Variants in RWDD1 observed in about 807,000 individuals in gnomAD.
RWDD1 encodes the protein RWD domain-containing protein 1.
A neutral mutation model predicts 31.6 loss-of-function variants in RWDD1; 17 were observed. The ratio of observed to expected loss-of-function variants is 0.54; its 90% CI spans 0.37 to 0.81. RWDD1 has a LOEUF of 0.81. RWDD1 is among the 30% of genes least tolerant of loss of function. The pLI, the probability that RWDD1 is intolerant of heterozygous loss-of-function variation, is 0.00. For missense variants in RWDD1, 204 were observed against 274.5 expected, an observed-to-expected ratio of 0.74 and a Z score of 1.82; for synonymous variants, 78 against 94.2, an observed-to-expected ratio of 0.83 and a Z score of 0.99.
In RWDD1 at chr6:116,575,287, A is replaced by G. The variant is rs948163678; in HGVS notation, c.73+3632A>G. On this transcript the variant is annotated intron_variant, in intron 1 of 6. Transcript: ENST00000466444. ...TTTTGGTAGAGACTGGGGTCTCACTATGTTCCCAGGCTGGTCTTGAACTCC... is the reference window on the plus strand; with the variant it reads ...TTTTGGTAGAGACTGGGGTCTCACTGTGTTCCCAGGCTGGTCTTGAACTCC... Among the ~76,000 whole-genome samples the G allele has an allele frequency of 1.2e-4, 18 of 151,842 alleles. No homozygotes were observed. In the East Asian group the frequency reaches 2.7e-3, roughly 23 times the overall value.
At chr6:116,575,033 G>A (rs1228328943) in intron 1 of RWDD1, among the ~76,000 whole-genome samples, 1 of 151,964 alleles carries the variant, frequency 6.6e-6, no homozygotes, top group Non-Finnish European at 1.5e-5. Context: ...AACTCCCAAA[G>A]TGCTGGGGTT....
chr6:116,572,016 T>C (rs1385136577), intron 1 of RWDD1, among the ~76,000 whole-genome samples: 2 of 152,072 alleles, frequency 1.3e-5, no homozygotes, highest in Non-Finnish European at 2.9e-5. Context: ...AGAATGTTAG[T>C]TTTCACATTT....
Position 116,585,963 on chromosome 6 carries a change from G to A in RWDD1, c.270+1106G>A, listed in dbSNP as rs1775033055. On this transcript the variant is annotated intron_variant, in intron 3 of 6. Transcript: ENST00000466444. ...CATGAACTACCTTGCCCAGCTCTTC[G>A]AACATCTTTTAAAACATTGCAGAGA... Among the ~76,000 whole-genome samples, 4 of 151,822 alleles carry A rather than the reference G, an allele frequency of 2.6e-5. No homozygotes were observed. In the South Asian group the frequency reaches 8.3e-4, roughly 32 times the overall value.
In RWDD1 at chr6:116,571,615, G is replaced by A. The variant is rs752508971; in HGVS notation, c.33G>A (p.Glu11=). The A allele has an allele frequency of 6.2e-7, 1 of 1,613,768 alleles. No individual in the cohort carries two copies. Among genetic ancestry groups the A allele is most frequent in the Non-Finnish European group, 8.5e-7 (1 of 1,179,916 alleles). The change falls in exon 1 of 7, where the codon GAG becomes GAA. Residue 11 remains glutamate, a synonymous_variant. Transcript: ENST00000466444. ...ATTACGGCGAGGAGCAGCGCAACGAGCTGGAGGCCCTGGAGTCCATCTACC... is the reference window on the plus strand; with the variant it reads ...ATTACGGCGAGGAGCAGCGCAACGAACTGGAGGCCCTGGAGTCCATCTACC... MTDYGEEQRN[E]LEALESIYPD...
chr6:116,579,104 G>A (rs144409184), intron 1 of RWDD1, among the ~76,000 whole-genome samples: 3 of 152,176 alleles, frequency 2.0e-5, no homozygotes, highest in Admixed American at 2.0e-4. Context: ...TCGAACTCCT[G>A]GCTTCAAGTG....
chr6:116,592,981 T>C lies in RWDD1; in HGVS notation c.612T>C (p.Ala204=). Residue 204 remains alanine, a splice_region_variant and synonymous_variant, in exon 7 of 7, where the codon GCT becomes GCC. Coordinates refer to ENST00000466444, the MANE Select transcript of RWDD1 (RefSeq NM_015952.4). ...TTTTTTTTTGGTTGCCTTTTGCAGC[T>C]GGAAACAACGTGGAGGTAGATGAGT... is the stretch of plus-strand genomic sequence containing the variant. ...DTSDIQFLED[A]GNNVEVDESL... is the part of the protein sequence containing the mutation. 6.2e-7 allele frequency: 1 copy of C among 1,603,712 alleles called. No homozygotes were observed. The highest frequency in any genetic ancestry group is 8.5e-7 in the Non-Finnish European group (1 of 1,177,246).
At chr6:116,589,008 C>A in intron 4 of RWDD1, 23 bp downstream of exon 4, 1 of 1,258,490 alleles carries the variant, frequency 7.9e-7, no homozygotes, top group Non-Finnish European at 1.0e-6. Context: ...GCCTTGTTTT[C>A]TTTTATTATT....
chr6:116,584,844 T>G lies in RWDD1; in HGVS notation c.257T>G (p.Leu86Ter). 1 of 1,582,874 alleles carries G rather than the reference T, an allele frequency of 6.3e-7. No individual in the cohort carries two copies. The highest frequency in any genetic ancestry group is 8.7e-7 in the Non-Finnish European group (1 of 1,152,034). The change falls in exon 3 of 7, where the codon TTA (leucine) becomes TGA (stop). Residue 86 changes from leucine (L) to a stop codon, truncating the protein, a stop_gained. Coordinates refer to ENST00000466444, the MANE Select transcript of RWDD1 (RefSeq NM_015952.4). LOFTEE classifies it high-confidence loss of function. ...EDNDVSDILK[L>*]LALQAEENLG... ...AATGATGTCTCAGACATTTTAAAAT[T>G]ACTAGCATTACAGGTAAGGAAATAA...
intron 1 of RWDD1, 137 bp from the exon 2 acceptor site, chr6:116,580,158 T>C (rs1188937697): frequency 4.5e-6 from 2 of 439,640 alleles, no homozygotes; most frequent in Non-Finnish European, 8.1e-6. Flanking sequence ...TTCAGTGTTC[T>C]GTTCAGTCTG....
At chr6:116,581,962 T>G (rs1774954849) in intron 2 of RWDD1, among the ~76,000 whole-genome samples, 1 of 152,058 alleles carries the variant, frequency 6.6e-6, no homozygotes, top group Non-Finnish European at 1.5e-5. Context: ...ATGGTTGTAT[T>G]GAATAAAGAC....
intron 1 of RWDD1, chr6:116,572,557 C>A (rs1774758559): frequency 6.6e-6 from 1 of 152,152 alleles, no homozygotes; most frequent in Non-Finnish European, 1.5e-5. Flanking sequence ...TCTATTAAGC[C>A]ATGCTTCGGA....
chr6:116,573,593 T>C (rs909100290), intron 1 of RWDD1, among the ~76,000 whole-genome samples: 5 of 152,246 alleles, frequency 3.3e-5, no homozygotes, highest in Admixed American at 3.3e-4. Context: ...AATGTTTCCA[T>C]GTTTGATCTT....
chr6:116,591,404 T>C (rs1280937658), intron 6 of RWDD1, among the ~76,000 whole-genome samples: 1 of 152,218 alleles, frequency 6.6e-6, no homozygotes, highest in African/African-American at 2.4e-5. Flanking sequence ...GTGACCTGTT[T>C]TCTTCAAATT....
chr6:116,580,440 T>A (rs62424374), intron 2 of RWDD1, 80 bp downstream of exon 2: 9 of 1,045,090 alleles, frequency 8.6e-6, no homozygotes, highest in Non-Finnish European at 1.3e-5. Flanking sequence ...ATGCTGGATA[T>A]TGTCATGTGG....
intron 4 of RWDD1, 86 bp from the exon 5 acceptor site, chr6:116,590,186 T>TTAAAC (rs1169867796): frequency 3.0e-6 from 2 of 659,090 alleles, no homozygotes. Context: ...TATAAGGGGT[T>TTAAAC]ATATTGATAT....
chr6:116,577,275 C>G (rs763894496), intron 1 of RWDD1, among the ~76,000 whole-genome samples: 19 of 152,136 alleles, frequency 1.2e-4, no homozygotes, highest in Non-Finnish European at 2.1e-4. Flanking sequence ...GCTCTTGAAA[C>G]TCACTTCCCT....
In RWDD1 at chr6:116,576,584, T is replaced by C. The variant is rs529751604; in HGVS notation, c.74-3711T>C. ...CCCAGGTCCGGTAGTTCACTGATATTCTTGCTGACATTCCCATATCTTTTG... is the reference window on the plus strand; with the variant it reads ...CCCAGGTCCGGTAGTTCACTGATATCCTTGCTGACATTCCCATATCTTTTG... On this transcript the variant is annotated intron_variant, in intron 1 of 6. Coordinates refer to ENST00000466444, the MANE Select transcript of RWDD1 (RefSeq NM_015952.4). Among the ~76,000 whole-genome samples, 8 of 152,352 alleles carry C rather than the reference T, an allele frequency of 5.3e-5. No individual in the cohort carries two copies. The South Asian group carries it at 1.7e-3, about 32-fold the overall frequency.
At chr6:116,592,617 C>G (rs144761940) in intron 6 of RWDD1, among the ~76,000 whole-genome samples, 185 of 152,282 alleles carry the variant, frequency 1.2e-3, no homozygotes, top group African/African-American at 4.4e-3. Context: ...GCTTATCTAC[C>G]ACTACTGGAA....
chr6:116,590,206 A>G lies in RWDD1; in HGVS notation c.415-66A>G, dbSNP rs1163661345. On this transcript the variant is annotated intron_variant, in intron 4 of 6. Transcript: ENST00000466444. ...GGGGTTATATTGATATGTTTAAAAG[A>G]TACTGTTAGGATTTATTAAACTGCT... 10 of 870,970 alleles carry G rather than the reference A, an allele frequency of 1.1e-5. No homozygotes were observed. In the Admixed American group the frequency reaches 2.4e-4, roughly 21 times the overall value. The allele number at this position is 870,970 out of a possible 1,614,324, so 54.0% of individuals were successfully genotyped here.
Sources: gnomAD v4.1 joint callset for allele counts (sites outside exome capture counted in the v4.1 genomes callset) on GRCh38, gnomAD v4.1.1 for gene constraint, MANE v1.5 for transcripts, NCBI Gene and HGNC (gene_info 2026-07-23, HGNC 2026-07-21) for gene names.